The following DST variants were observed in gnomAD, a reference collection of about 807,000 sequenced individuals.
DST encodes dystonin, also known as bullous pemphigoid antigen.
In DST, 253 loss-of-function variants were observed where a neutral mutation model predicts 875.2. That is an observed-to-expected ratio of 0.29 (90% CI 0.26 to 0.32). DST has a LOEUF of 0.32. Ranked by LOEUF, DST falls within the 10% of genes least tolerant of loss-of-function variation. The pLI, the probability that DST is intolerant of heterozygous loss-of-function variation, is 1.00. For synonymous variants in DST, 3,124 were observed against 3,197.1 expected (o/e 0.98, Z 0.77); for missense variants, 8,287 against 9,111.6 (o/e 0.91, Z 3.68).
At chr6:56,851,147 T>G (rs1353389786) in intron 4 of DST, 2 of 523,704 alleles carry the variant, frequency 3.8e-6, no homozygotes, top group Non-Finnish European at 3.4e-6. Flanking sequence ...TGTAAATATT[T>G]CCTTGCATTT....
At position 56,714,981 on chromosome 6, in the gene DST, T is replaced by C. The variant is rs140619824; in HGVS notation, c.688-10612A>G. Among the ~76,000 whole-genome samples, 31 of 152,286 alleles carry C rather than the reference T, an allele frequency of 2.0e-4. No individual in the cohort carries two copies. The East Asian group carries it at 5.6e-3, about 28-fold the overall frequency. ...TACATAAATGTATTAATAATTTCCT[T>C]AAGAAGAAAGGGCCCTGTCTTTGGT... On this transcript the variant is annotated intron_variant, in intron 5 of 103. Transcript: ENST00000680361. The surrounding 1 kb of genome is among the most constrained non-coding windows in gnomAD (Gnocchi z 4.5).
chr6:56,590,982 G>A (rs1009768639), intron 49 of DST, among the ~76,000 whole-genome samples: 2 of 152,142 alleles, frequency 1.3e-5, no homozygotes, highest in Non-Finnish European at 2.9e-5. Flanking sequence ...ACAATTTTTC[G>A]ACTCTGTAAA....
At chr6:56,826,048 T>C (rs1452219242) in intron 4 of DST, among the ~76,000 whole-genome samples, 1 of 152,252 alleles carries the variant, frequency 6.6e-6, no homozygotes, top group African/African-American at 2.4e-5. Flanking sequence ...ATCCTTTGGC[T>C]TAGGATGGCC....
At chr6:56,666,794 GAC>G (rs2099074507) in intron 10 of DST, among the ~76,000 whole-genome samples, 1 of 147,168 alleles carries the variant, frequency 6.8e-6, no homozygotes, top group South Asian at 2.1e-4. Context: ...GGGGTGCAGT[GAC>G]ACAGTCACAA....
At chr6:56,580,412 C>T (rs755599154) in intron 49 of DST, among the ~76,000 whole-genome samples, 10 of 151,932 alleles carry the variant, frequency 6.6e-5, no homozygotes, top group East Asian at 1.9e-4. Context: ...TAGCCGGGCA[C>T]GGTAGTCTGT....
At chr6:56,614,718 C>G (rs1452632971) in intron 36 of DST, 1 of 1,134,114 alleles carries the variant, frequency 8.8e-7, no homozygotes, top group Admixed American at 4.8e-5. Context: ...ATTGGTCTAA[C>G]CTCCCAGCTG....
In DST at chr6:56,587,636, A is replaced by C. The variant is rs1416474804; in HGVS notation, c.12903+4546T>G. Among the ~76,000 whole-genome samples the C allele has an allele frequency of 2.6e-5, 4 of 152,312 alleles. No individual in the cohort carries two copies. The East Asian group carries it at 7.7e-4, about 29-fold the overall frequency. On this transcript the variant is annotated intron_variant, in intron 49 of 103. Transcript: ENST00000680361. The stretch of plus-strand genomic sequence containing the variant: ...AGATTCACCAAAGTTGAAATGAAGG[A>C]AAAAATGTAAAGGGCAGCCAGAGAG...
chr6:56,787,785 TG>T (rs773423131), intron 4 of DST, among the ~76,000 whole-genome samples: 25 of 152,208 alleles, frequency 1.6e-4, no homozygotes, highest in Non-Finnish European at 3.4e-4. Context: ...AATGTTAACT[TG>T]ATTAAATGAA....
chr6:56,888,758 C>T (rs948775402), intron 3 of DST, among the ~76,000 whole-genome samples: 1 of 152,008 alleles, frequency 6.6e-6, no homozygotes, highest in Non-Finnish European at 1.5e-5. Context: ...TATAATGTTC[C>T]AAAATATACT....
intron 75 of DST, 61 bp from the exon 76 acceptor site, chr6:56,506,850 G>A: frequency 6.6e-7 from 1 of 1,525,718 alleles, no homozygotes; most frequent in Non-Finnish European, 8.8e-7. Flanking sequence ...ACTTTAAAAA[G>A]TACACAACAA....
Position 56,619,621 on chromosome 6 carries a change from T to C in DST, c.4929+4909A>G. 3 of 1,613,972 alleles carry C rather than the reference T, an allele frequency of 1.9e-6. No individual in the cohort carries two copies. The African/African-American group carries it at 4.0e-5, about 22-fold the overall frequency. ...TTTCATGATTAAGAGATTCTAATTC[T>C]AACTGATAATTGCGCTTTATTTTCT... On this transcript the variant is annotated intron_variant, in intron 36 of 103. Coordinates refer to ENST00000680361, the MANE Select transcript of DST (RefSeq NM_001374736.1).
intron 3 of DST, among the ~76,000 whole-genome samples, chr6:56,887,572 T>G (rs542479443): frequency 6.6e-6 from 1 of 152,300 alleles, no homozygotes; most frequent in East Asian, 1.9e-4. Context: ...CCATGAAAAT[T>G]TTCAAAGTGT....
At chr6:56,794,369 T>C (rs1219343174) in intron 4 of DST, among the ~76,000 whole-genome samples, 3 of 152,094 alleles carry the variant, frequency 2.0e-5, no homozygotes, top group African/African-American at 7.2e-5. Context: ...ACGTTGACAG[T>C]AATGGAATCT....
intron 4 of DST, among the ~76,000 whole-genome samples, chr6:56,781,540 C>T (rs1335021880): frequency 3.9e-5 from 6 of 151,964 alleles, no homozygotes; most frequent in African/African-American, 1.2e-4. Flanking sequence ...TATTGGTGTA[C>T]AAGAATGCTT....
intron 4 of DST, among the ~76,000 whole-genome samples, chr6:56,827,383 G>A (rs1052054377): frequency 2.0e-5 from 3 of 151,714 alleles, no homozygotes; most frequent in African/African-American, 7.3e-5. Flanking sequence ...GCGTGGTGGT[G>A]TGTGCCTGCA....
intron 4 of DST, among the ~76,000 whole-genome samples, chr6:56,756,984 G>A (rs2099605718): frequency 6.6e-6 from 1 of 152,140 alleles, no homozygotes; most frequent in South Asian, 2.1e-4. Context: ...TGTGATACTG[G>A]ATGAATCAAT....
intron 10 of DST, among the ~76,000 whole-genome samples, chr6:56,660,787 T>C (rs150652514): frequency 2.9e-3 from 442 of 151,204 alleles, no homozygotes; most frequent in African/African-American, 0.01. Flanking sequence ...ACAAAGTGAC[T>C]CTCCATTAAC....
At chr6:56,641,103 C>A (rs2098894514) in intron 17 of DST, among the ~76,000 whole-genome samples, 2 of 147,334 alleles carry the variant, frequency 1.4e-5, no homozygotes. Flanking sequence ...TTTGCATTTA[C>A]ATATTTATGC....
intron 61 of DST, among the ~76,000 whole-genome samples, chr6:56,544,410 T>C (rs2097188842): frequency 6.6e-6 from 1 of 152,244 alleles, no homozygotes; most frequent in African/African-American, 2.4e-5. Flanking sequence ...AGCACAATAT[T>C]ATTCTAGGCT....
Sources: allele counts gnomAD v4.1 joint callset (sites outside exome capture counted in the v4.1 genomes callset), GRCh38; gene constraint gnomAD v4.1.1; non-coding constraint Gnocchi (gnomAD v3.1); transcripts MANE v1.5; gene names NCBI Gene and HGNC (gene_info 2026-07-23, HGNC 2026-07-21).